PPA2: variants seen among roughly 807,000 people sequenced by gnomAD.
PPA2 encodes the protein inorganic pyrophosphatase 2, mitochondrial.
In PPA2, 48 loss-of-function variants were observed where a neutral mutation model predicts 49.5. The ratio of observed to expected loss-of-function variants is 0.97; its 90% CI spans 0.77 to 1.23. The LOEUF (loss-of-function observed/expected upper bound fraction) is 1.23. Ranked by LOEUF, PPA2 falls within the 50% of genes most tolerant of loss-of-function variation. The pLI, the probability that PPA2 is intolerant of heterozygous loss-of-function variation, is 0.00. For missense variants in PPA2, 429 were observed against 410.1 expected, an observed-to-expected ratio of 1.05 and a Z score of -0.40; for synonymous variants, 131 against 139.9, an observed-to-expected ratio of 0.94 and a Z score of 0.45.
rs779668283 is a variant in PPA2 at position 105,370,848 on chromosome 4, C to T, written c.965G>A (p.Ser322Asn). The change falls in exon 11 of 12, where the codon AGT becomes AAT. Residue 322 changes from serine to asparagine, a missense_variant. Physicochemically the swap from Ser to Asn is conservative, Grantham distance 46 (BLOSUM62 1). Coordinates refer to ENST00000341695, the MANE Select transcript of PPA2 (RefSeq NM_176869.3). ...AAAATATACTATACCTTCTTCATTA[C>T]TTTCTTTATTTGGTGAAGATGATAC... ...ESVSSSPNKE[S>N]NEEEQVWHFL... is the part of the protein sequence containing the mutation. 5 of 1,466,902 alleles carry T rather than the reference C, an allele frequency of 3.4e-6. No individual in the cohort carries two copies. The South Asian group carries it at 3.9e-5, about 11-fold the overall frequency. The allele number at this position is 1,466,902 out of a possible 1,614,324, so 90.9% of individuals were successfully genotyped here.
intron 7 of PPA2, among the ~76,000 whole-genome samples, chr4:105,401,275 TC>T (rs775617349): frequency 3.9e-5 from 6 of 152,134 alleles, no homozygotes; most frequent in Non-Finnish European, 7.4e-5. Flanking sequence ...CTTGCCAAAA[TC>T]TATCCAACTC....
chr4:105,386,105 T>G (rs1733668357), intron 10 of PPA2, among the ~76,000 whole-genome samples: 1 of 151,978 alleles, frequency 6.6e-6, no homozygotes, highest in African/African-American at 2.4e-5. Flanking sequence ...GGTCTCAAAC[T>G]CCCGGCCTTA....
At chr4:105,403,706 TATA>T (rs983417677) in intron 7 of PPA2, among the ~76,000 whole-genome samples, 67 of 152,286 alleles carry the variant, frequency 4.4e-4, no homozygotes, top group African/African-American at 1.6e-3. Flanking sequence ...AAAGAAAACC[TATA>T]ATAACTTAAT....
intron 4 of PPA2, 57 bp from the exon 5 acceptor site, chr4:105,446,559 G>A (rs886819209): frequency 1.4e-5 from 21 of 1,521,058 alleles, no homozygotes; most frequent in Non-Finnish European, 1.9e-5. Context: ...TTAATTCTAT[G>A]TCCAAATAGT....
In PPA2 at chr4:105,460,858, C is replaced by CATATATATATATATATATATATAT. The variant is rs746079683; in HGVS notation, c.158-4114_158-4113insATATATATATATATATATATATAT. Among the ~76,000 whole-genome samples the CATATATATATATATATATATATAT allele has an allele frequency of 3.5e-4, 51 of 144,922 alleles. 3 individuals are homozygous for CATATATATATATATATATATATAT. Among genetic ancestry groups the CATATATATATATATATATATATAT allele is most frequent in the African/African-American group, 1.4e-3 (51 of 36,310 alleles). On this transcript the variant is annotated intron_variant, in intron 1 of 11. Transcript: ENST00000341695. ...CAATACTTATTAAGATGTAAGATCA[C>CATATATATATATATATATATATAT]ATATATATATAGTTTTCTAATTGTC...
In PPA2 at chr4:105,473,963, G is replaced by A; in HGVS notation, c.88C>T (p.Arg30Cys). 1 of 1,611,716 alleles carries A rather than the reference G, an allele frequency of 6.2e-7. No individual in the cohort carries two copies. The highest frequency in any genetic ancestry group is 8.5e-7 in the Non-Finnish European group (1 of 1,179,248). ...TCAGTGTGGTACAGGGCCATAGCAC[G>A]GCGCGACCCGGTCCCTGCACTGGTC... is the stretch of plus-strand genomic sequence containing the variant. Reference protein sequence around the residue: ...LGTSAGTGSRRAMALYHTEER... With the variant: ...LGTSAGTGSRCAMALYHTEER... The change falls in exon 1 of 12, where the codon CGT becomes TGT. Residue 30 changes from arginine (R) to cysteine (C), a missense_variant. Arg to Cys is a radical substitution (Grantham distance 180, BLOSUM62 -3). Transcript: ENST00000341695.
At chr4:105,467,055 G>A (rs1460218911) in intron 1 of PPA2, among the ~76,000 whole-genome samples, 1 of 152,166 alleles carries the variant, frequency 6.6e-6, no homozygotes, top group Non-Finnish European at 1.5e-5. Context: ...CCCTGGTGCA[G>A]GCTGCAACCA....
intron 7 of PPA2, among the ~76,000 whole-genome samples, chr4:105,404,187 A>G (rs1722350858): frequency 8.0e-6 from 1 of 125,218 alleles, no homozygotes; most frequent in Admixed American, 8.9e-5. Context: ...ATATACCAAA[A>G]ACAAAGAAAA....
chr4:105,460,941 A>G (rs1723065736), intron 1 of PPA2, among the ~76,000 whole-genome samples: 1 of 151,994 alleles, frequency 6.6e-6, no homozygotes, highest in Admixed American at 6.6e-5. Flanking sequence ...TAACTTACAT[A>G]ACCATACCTA....
intron 2 of PPA2, chr4:105,456,440 T>C: frequency 2.1e-6 from 1 of 474,088 alleles, no homozygotes; most frequent in Non-Finnish European, 3.9e-6. Flanking sequence ...AAATCTTTAT[T>C]TCCTACCGAA....
At chr4:105,440,617 T>C (rs1179464172) in intron 5 of PPA2, among the ~76,000 whole-genome samples, 2 of 152,190 alleles carry the variant, frequency 1.3e-5, no homozygotes, top group African/African-American at 4.8e-5. Context: ...TTAGTGCTCA[T>C]TTACAATCTG....
At chr4:105,461,168 T>TGAA (rs3082927) in intron 1 of PPA2, among the ~76,000 whole-genome samples, 135,312 of 152,060 alleles carry the variant, frequency 0.89, 60,717 homozygotes, top group African/African-American at 0.97. Flanking sequence ...AAATGGCAAC[T>TGAA]GAATGATGAG....
intron 9 of PPA2, among the ~76,000 whole-genome samples, chr4:105,391,882 AAGAGT>A (rs930804305): frequency 1.3e-5 from 2 of 152,050 alleles, no homozygotes; most frequent in Non-Finnish European, 2.9e-5. Flanking sequence ...TTAATAAAAA[AAGAGT>A]ATGAGTAAAG....
chr4:105,423,550 G>A (rs1723346940), intron 7 of PPA2, among the ~76,000 whole-genome samples: 1 of 152,092 alleles, frequency 6.6e-6, no homozygotes, highest in South Asian at 2.1e-4. Context: ...CTTTAGAGAT[G>A]AGCAACTGAA....
At chr4:105,387,297 T>G (rs1733722047) in intron 9 of PPA2, among the ~76,000 whole-genome samples, 1 of 152,090 alleles carries the variant, frequency 6.6e-6, no homozygotes, top group African/African-American at 2.4e-5. Context: ...TTTTAAAAAT[T>G]TCATCACAGG....
At chr4:105,400,696 C>T (rs1282150258) in intron 7 of PPA2, among the ~76,000 whole-genome samples, 1 of 152,098 alleles carries the variant, frequency 6.6e-6, no homozygotes, top group Non-Finnish European at 1.5e-5. Flanking sequence ...ATTTTCTCTT[C>T]CACTGTATAT....
intron 7 of PPA2, among the ~76,000 whole-genome samples, chr4:105,415,608 T>G (rs2726469): frequency 0.59 from 89,453 of 151,842 alleles, 26,504 homozygotes; most frequent in East Asian, 0.68. Flanking sequence ...GCTGTGGCTG[T>G]GTGGCTGCAG....
At chr4:105,374,212 C>CA (rs374447133) in intron 10 of PPA2, among the ~76,000 whole-genome samples, 35 of 152,224 alleles carry the variant, frequency 2.3e-4, no homozygotes, top group African/African-American at 8.4e-4. Flanking sequence ...TCTACTCACC[C>CA]AAAATAAATT....
At chr4:105,383,853 G>C (rs1733586419) in intron 10 of PPA2, among the ~76,000 whole-genome samples, 1 of 151,614 alleles carries the variant, frequency 6.6e-6, no homozygotes, top group Admixed American at 6.6e-5. Context: ...ATCTGATCAA[G>C]TATGATGAAT....
Sources: gnomAD v4.1 joint callset for allele counts (sites outside exome capture counted in the v4.1 genomes callset) on GRCh38, gnomAD v4.1.1 for gene constraint, MANE v1.5 for transcripts, NCBI Gene and HGNC (gene_info 2026-07-23, HGNC 2026-07-21) for gene names.